The following RFX3 variants were observed in gnomAD, a reference collection of about 807,000 sequenced individuals.
The protein encoded by RFX3 is regulatory factor X3.
RFX3 carries 14 observed loss-of-function variants against 98.6 expected under a neutral mutation model. The ratio of observed to expected loss-of-function variants is 0.14; its 90% confidence interval spans 0.09 to 0.22. The LOEUF (loss-of-function observed/expected upper bound fraction) is 0.22. Among genes scored for constraint, RFX3 ranks in the 10% least tolerant of loss-of-function variants. The pLI is 1.00. For missense variants in RFX3, 639 were observed against 926.9 expected (o/e 0.69, Z 4.03); for synonymous variants, 383 against 328.4 (o/e 1.17, Z -1.80).
intron 1 of RFX3, among the ~76,000 whole-genome samples, chr9:3,474,805 C>T (rs75494075): frequency 1.3e-5 from 2 of 152,074 alleles, no homozygotes; most frequent in African/African-American, 4.8e-5. Flanking sequence ...CAGAAAATGA[C>T]CAAACTAGCA....
At chr9:3,494,183 A>T (rs1057271709) in intron 1 of RFX3, among the ~76,000 whole-genome samples, 5 of 152,192 alleles carry the variant, frequency 3.3e-5, no homozygotes, top group African/African-American at 1.2e-4. Context: ...GGCTCTAGAG[A>T]CAGAGTACCT....
At chr9:3,467,345 T>G (rs902131744) in intron 1 of RFX3, among the ~76,000 whole-genome samples, 1 of 149,062 alleles carries the variant, frequency 6.7e-6, no homozygotes, top group Admixed American at 6.8e-5. Flanking sequence ...TGTGTGTGTG[T>G]AATTAAGTCT....
At chr9:3,345,311 G>C (rs542404074) in intron 3 of RFX3, among the ~76,000 whole-genome samples, 8 of 152,214 alleles carry the variant, frequency 5.3e-5, no homozygotes, top group South Asian at 2.1e-4. Context: ...AGTATGAAAG[G>C]GGAATATTTG....
chr9:3,465,457 ACTT>A (rs1848120148), intron 1 of RFX3, among the ~76,000 whole-genome samples: 1 of 63,190 alleles, frequency 1.6e-5, no homozygotes, highest in African/African-American at 4.2e-5. Context: ...TGCCCAGGTA[ACTT>A]TTTTTTTTTT....
chr9:3,287,568 T>C (rs1454996785), intron 7 of RFX3, among the ~76,000 whole-genome samples: 1 of 151,960 alleles, frequency 6.6e-6, no homozygotes, highest in African/African-American at 2.4e-5. Flanking sequence ...CTGACATATT[T>C]TTCAAATCTA....
intron 10 of RFX3, 184 bp downstream of exon 10, chr9:3,270,819 G>A (rs1824326711): frequency 1.3e-6 from 1 of 767,930 alleles, no homozygotes; most frequent in African/African-American, 1.8e-5. Context: ...ACAAATGGGA[G>A]CTATATACAC....
At chr9:3,443,862 C>G (rs1845813907) in intron 1 of RFX3, among the ~76,000 whole-genome samples, 1 of 152,116 alleles carries the variant, frequency 6.6e-6, no homozygotes, top group African/African-American at 2.4e-5. Flanking sequence ...ACCTTGCCAG[C>G]AGCTGTTTTT....
At chr9:3,398,087 A>G (rs915527682) in intron 1 of RFX3, among the ~76,000 whole-genome samples, 3 of 152,186 alleles carry the variant, frequency 2.0e-5, no homozygotes, top group African/African-American at 7.2e-5. Context: ...TTTATGTGAA[A>G]TCTCACAAAT....
chr9:3,467,042 A>ATG, intron 1 of RFX3, among the ~76,000 whole-genome samples: 2 of 144,696 alleles, frequency 1.4e-5, no homozygotes, highest in African/African-American at 5.1e-5. Context: ...ATATATATAT[A>ATG]TATATGTATA....
intron 1 of RFX3, among the ~76,000 whole-genome samples, chr9:3,419,523 A>C (rs1274859198): frequency 6.6e-6 from 1 of 152,208 alleles, no homozygotes; most frequent in Non-Finnish European, 1.5e-5. Context: ...CATGAACCTG[A>C]ATCAATATGG....
At chr9:3,327,961 T>G (rs894624935) in intron 4 of RFX3, among the ~76,000 whole-genome samples, 3 of 152,154 alleles carry the variant, frequency 2.0e-5, no homozygotes, top group African/African-American at 7.2e-5. Flanking sequence ...TGAGCTGGAT[T>G]AAACAATTTG....
intron 1 of RFX3, among the ~76,000 whole-genome samples, chr9:3,523,657 G>A (rs1174959461): frequency 6.6e-6 from 1 of 152,040 alleles, no homozygotes; most frequent in Non-Finnish European, 1.5e-5. Flanking sequence ...AATGGCATAA[G>A]GTCTGAAACT....
chr9:3,455,290 T>C (rs1046008351), intron 1 of RFX3, among the ~76,000 whole-genome samples: 9 of 152,190 alleles, frequency 5.9e-5, no homozygotes, highest in South Asian at 2.1e-4. Context: ...TTAAGCACCA[T>C]GCTTACTCAC....
At chr9:3,469,177 C>T (rs1008632063) in intron 1 of RFX3, 9 of 455,336 alleles carry the variant, frequency 2.0e-5, no homozygotes, top group Non-Finnish European at 3.5e-5. Context: ...GAAAGAAATA[C>T]ATGTCCAAAG....
At chr9:3,489,458 C>A (rs924727697) in intron 1 of RFX3, 4 of 981,836 alleles carry the variant, frequency 4.1e-6, no homozygotes, top group African/African-American at 1.7e-5. Context: ...CATCTTCCTA[C>A]ATAACAAAAC....
intron 3 of RFX3, 127 bp downstream of exon 3, chr9:3,346,540 A>G (rs1834457848): frequency 3.5e-6 from 2 of 575,210 alleles, no homozygotes. Context: ...GCTTAATTTC[A>G]ATAACTGTTC....
chr9:3,372,834 A>C (rs1838017116), intron 2 of RFX3, among the ~76,000 whole-genome samples: 1 of 151,838 alleles, frequency 6.6e-6, no homozygotes, highest in South Asian at 2.1e-4. Flanking sequence ...GATCCGCCCA[A>C]CTTGGCATCC....
At chr9:3,369,285 A>G (rs1456422020) in intron 2 of RFX3, among the ~76,000 whole-genome samples, 1 of 152,196 alleles carries the variant, frequency 6.6e-6, no homozygotes, top group East Asian at 1.9e-4. Flanking sequence ...TGGCTCATAG[A>G]CTGACCTTCT....
At chr9:3,473,216 G>T (rs971586539) in intron 1 of RFX3, among the ~76,000 whole-genome samples, 1 of 152,190 alleles carries the variant, frequency 6.6e-6, no homozygotes, top group Non-Finnish European at 1.5e-5. Context: ...GGCAAAAGCT[G>T]CAGTCTTAGG....
Sources: allele counts gnomAD v4.1 joint callset (sites outside exome capture counted in the v4.1 genomes callset), GRCh38; gene constraint gnomAD v4.1.1; transcripts MANE v1.5; gene names NCBI Gene and HGNC (gene_info 2026-07-23, HGNC 2026-07-21).